FAM135B: variants seen among roughly 807,000 people sequenced by gnomAD.
FAM135B encodes the protein protein FAM135B.
In FAM135B, 43 loss-of-function variants were observed where a neutral mutation model predicts 127.7. The observed-to-expected ratio is 0.34, with a 90% confidence interval of 0.26 to 0.43. The LOEUF is 0.43. FAM135B is among the 20% of genes least tolerant of loss of function. FAM135B has a pLI of 1.00. For synonymous variants in FAM135B, 670 were observed against 665.1 expected, an observed-to-expected ratio of 1.01 and a Z score of -0.11; for missense variants, 1,558 against 1,725.6, an observed-to-expected ratio of 0.90 and a Z score of 1.72.
At chr8:138,459,139 T>C (rs912412675) in intron 1 of FAM135B, 5 of 152,096 alleles carry the variant, frequency 3.3e-5, no homozygotes, top group Non-Finnish European at 5.9e-5. Context: ...ATGACAGGGA[T>C]TTGCAGGAAT....
Position 138,497,153 on chromosome 8 carries a change from C to A in FAM135B, c.-502G>T, listed in dbSNP as rs1587570246. Among the ~76,000 whole-genome samples the A allele has an allele frequency of 6.6e-6, 1 of 151,316 alleles. No individual in the cohort carries two copies. Among genetic ancestry groups the A allele is most frequent in the East Asian group, 2.0e-4 (1 of 5,110 alleles). ...CTTCCTCCGCCGGGACGCGGCCAGA[C>A]CCTCCGCGCCGCGCCGCGCGCCCTC... On this transcript the variant is annotated 5_prime_UTR_variant, in exon 1 of 20. Transcript: ENST00000395297.
chr8:138,135,442 G>A (rs1816568602), intron 19 of FAM135B, among the ~76,000 whole-genome samples: 1 of 151,926 alleles, frequency 6.6e-6, no homozygotes, highest in South Asian at 2.1e-4. Flanking sequence ...TTTAAAAATG[G>A]ATTAAAAATA....
intron 2 of FAM135B, among the ~76,000 whole-genome samples, chr8:138,366,003 CT>C (rs1422395237): frequency 6.6e-6 from 1 of 151,892 alleles, no homozygotes; most frequent in Non-Finnish European, 1.5e-5. Context: ...CGTTCTAATA[CT>C]TTCTTTCCAC....
chr8:138,195,979 G>A (rs950166366), intron 8 of FAM135B, among the ~76,000 whole-genome samples: 4 of 152,130 alleles, frequency 2.6e-5, no homozygotes, highest in African/African-American at 7.2e-5. Context: ...AGCAGCTTAC[G>A]GTCCTTGCTG....
At position 138,132,409 on chromosome 8, in the gene FAM135B, C is replaced by G. The variant is rs953672512; in HGVS notation, c.*184G>C. ...CAAGCAAAGTTTGTTGTCATTTAGT[C>G]TATTTGCTCAGCTTTCTCGAATCTC... On this transcript the variant is annotated 3_prime_UTR_variant, in exon 20 of 20. Coordinates refer to ENST00000395297, the MANE Select transcript of FAM135B (RefSeq NM_015912.4). The surrounding 1 kb of genome is among the most constrained non-coding windows in gnomAD (Gnocchi z 4.5). The G allele has an allele frequency of 1.7e-6, 1 of 589,472 alleles. No homozygotes were observed. The highest frequency in any genetic ancestry group is 3.0e-6 in the Non-Finnish European group (1 of 331,576). The allele number at this position is 589,472 out of a possible 1,614,324, so 36.5% of individuals were successfully genotyped here.
rs532225006 is a variant in FAM135B, at chr8:138,186,689, C to T, written c.874-7999G>A. On this transcript the variant is annotated intron_variant, in intron 9 of 19. Transcript: ENST00000395297. ...TTTAGTTGCTTTGTATAAAGTAAAG[C>T]CTGTGGCAATGCAGTCACTCAAAAC... Among the ~76,000 whole-genome samples the T allele has an allele frequency of 3.3e-5, 5 of 152,334 alleles. No homozygotes were observed. In the South Asian group the frequency reaches 8.3e-4, roughly 25 times the overall value.
chr8:138,146,349 A>G (rs9324483), intron 14 of FAM135B, among the ~76,000 whole-genome samples: 124,583 of 152,072 alleles, frequency 0.82, 51,421 homozygotes, highest in East Asian at 1. Context: ...GAGATACACC[A>G]CCTCCCCTTC....
At chr8:138,160,715 A>G (rs1819301927) in intron 12 of FAM135B, among the ~76,000 whole-genome samples, 1 of 152,068 alleles carries the variant, frequency 6.6e-6, no homozygotes, top group African/African-American at 2.4e-5. Context: ...TGATATTTAA[A>G]GGTCAAGTTC....
At chr8:138,172,225 A>G (rs977183219) in intron 11 of FAM135B, among the ~76,000 whole-genome samples, 1 of 152,118 alleles carries the variant, frequency 6.6e-6, no homozygotes, top group Admixed American at 6.5e-5. Context: ...GTGAATCTTG[A>G]TTTCTGACTC....
chr8:138,344,339 C>T (rs190773083), intron 2 of FAM135B, among the ~76,000 whole-genome samples: 95 of 152,260 alleles, frequency 6.2e-4, no homozygotes, highest in African/African-American at 2.0e-3. Context: ...CACAGCCCAT[C>T]GTAACCCGGC....
In FAM135B at chr8:138,242,742, A is replaced by G. The variant is rs1048180088; in HGVS notation, c.669+200T>C. Among the ~76,000 whole-genome samples the G allele has an allele frequency of 5.3e-5, 8 of 152,176 alleles. No homozygotes were observed. Among genetic ancestry groups the G allele is most frequent in the Non-Finnish European group, 1.0e-4 (7 of 68,042 alleles). ...TATGAAGACCATATTCCCTGTATCTATCCCAGGGCTTGGCCTTAGAAATAT... is the reference window on the plus strand; with the variant it reads ...TATGAAGACCATATTCCCTGTATCTGTCCCAGGGCTTGGCCTTAGAAATAT... On this transcript the variant is annotated intron_variant, in intron 7 of 19. Transcript: ENST00000395297. This position sits in a 1 kb window ranked among gnomAD's most constrained non-coding sequence, Gnocchi z 9.6.
At chr8:138,210,822 A>G (rs1818085168) in intron 7 of FAM135B, among the ~76,000 whole-genome samples, 2 of 152,162 alleles carry the variant, frequency 1.3e-5, no homozygotes, top group African/African-American at 4.8e-5. Context: ...ATCAGAACAA[A>G]CAAGCATAGG....
At chr8:138,304,943 C>A (rs537043658) in intron 3 of FAM135B, among the ~76,000 whole-genome samples, 2 of 152,278 alleles carry the variant, frequency 1.3e-5, no homozygotes, top group East Asian at 3.9e-4. Flanking sequence ...CACTCTGCCA[C>A]CCACCCTGCC....
intron 1 of FAM135B, among the ~76,000 whole-genome samples, chr8:138,443,137 A>G (rs1021108161): frequency 6.6e-6 from 1 of 152,144 alleles, no homozygotes; most frequent in South Asian, 2.1e-4. Context: ...GAAATAGCCC[A>G]TGATCCACCC....
intron 9 of FAM135B, among the ~76,000 whole-genome samples, chr8:138,192,250 CCTT>C: frequency 6.6e-6 from 1 of 152,364 alleles, no homozygotes; most frequent in Admixed American, 6.5e-5. Context: ...CTAACCACTT[CCTT>C]CTTGATTCTA....
intron 2 of FAM135B, among the ~76,000 whole-genome samples, chr8:138,366,946 T>C (rs555468129): frequency 4.6e-5 from 7 of 152,124 alleles, no homozygotes; most frequent in African/African-American, 1.7e-4. Flanking sequence ...TGCTGGAGGA[T>C]GAGAGGCCAC....
At position 138,151,822 on chromosome 8, in the gene FAM135B, C is replaced by T. The variant is rs570924723; in HGVS notation, c.2653G>A (p.Val885Ile). ...GTCCTGGGGTTTTCAAGTGCTATGACGCGTGGTATTTTTAAATTAAGACCT... is the reference window on the plus strand; with the variant it reads ...GTCCTGGGGTTTTCAAGTGCTATGATGCGTGGTATTTTTAAATTAAGACCT... ...TKGLNLKIPR[V>I]IALENPRTRS... The change falls in exon 13 of 20, where the codon GTC becomes ATC. Residue 885 changes from valine to isoleucine, a missense_variant. By Grantham distance (29) the Val-to-Ile change is conservative. Coordinates refer to ENST00000395297, the MANE Select transcript of FAM135B (RefSeq NM_015912.4). The T allele has an allele frequency of 3.7e-5, 59 of 1,614,110 alleles. 1 individual carries two copies. Among genetic ancestry groups the T allele is most frequent in the African/African-American group, 1.7e-4 (13 of 75,024 alleles).
chr8:138,176,877 C>A (rs566533616), intron 11 of FAM135B, among the ~76,000 whole-genome samples: 7 of 152,150 alleles, frequency 4.6e-5, no homozygotes, highest in Admixed American at 3.3e-4. Context: ...GCCTTGAGTA[C>A]CTTTCAATTT....
At chr8:138,362,400 T>A (rs1228599970) in intron 2 of FAM135B, among the ~76,000 whole-genome samples, 3 of 151,602 alleles carry the variant, frequency 2.0e-5, no homozygotes, top group Non-Finnish European at 2.9e-5. Flanking sequence ...CACATGCGAG[T>A]CTTCACTGAC....
Sources: gnomAD v4.1 joint callset for allele counts (sites outside exome capture counted in the v4.1 genomes callset) on GRCh38, gnomAD v4.1.1 for gene constraint, Gnocchi (gnomAD v3.1) non-coding constraint, MANE v1.5 for transcripts, NCBI Gene and HGNC (gene_info 2026-07-23, HGNC 2026-07-21) for gene names.